The following THADA variants were observed in gnomAD, a reference collection of about 807,000 sequenced individuals.
THADA encodes the protein tRNA (32-2'-O)-methyltransferase regulator THADA.
A neutral mutation model predicts 219.8 loss-of-function variants in THADA; 213 were observed. The observed-to-expected ratio is 0.97, with a 90% confidence interval of 0.87 to 1.09. The LOEUF (loss-of-function observed/expected upper bound fraction) is 1.09, where lower values mean the gene tolerates loss of function less well. THADA is among the 50% of genes least tolerant of loss of function. The pLI, the probability that THADA is intolerant of heterozygous loss-of-function variation, is 0.00. For missense variants in THADA, 2,956 were observed against 2,311.3 expected, an observed-to-expected ratio of 1.28 and a Z score of -5.72; for synonymous variants, 1,018 against 828.9, an observed-to-expected ratio of 1.23 and a Z score of -3.92.
chr2:43,575,834 C>T (rs1018407100), intron 10 of THADA, among the ~76,000 whole-genome samples: 1 of 152,040 alleles, frequency 6.6e-6, no homozygotes, highest in African/African-American at 2.4e-5. Flanking sequence ...CCATGCCCGG[C>T]CTACACATGT....
chr2:43,251,688 T>G (rs1011456801), intron 36 of THADA, among the ~76,000 whole-genome samples: 1 of 152,234 alleles, frequency 6.6e-6, no homozygotes, highest in Non-Finnish European at 1.5e-5. Flanking sequence ...AGCCAGCTTG[T>G]CTCATGTCAT....
chr2:43,249,653 G>A (rs1346358251), intron 36 of THADA, among the ~76,000 whole-genome samples: 1 of 152,158 alleles, frequency 6.6e-6, no homozygotes, highest in African/African-American at 2.4e-5. Flanking sequence ...CTAGTGGATT[G>A]GCTGTACCAG....
At chr2:43,376,240 C>T (rs1164805419) in intron 29 of THADA, among the ~76,000 whole-genome samples, 1 of 152,212 alleles carries the variant, frequency 6.6e-6, no homozygotes, top group Non-Finnish European at 1.5e-5. Context: ...CTGCTGTATG[C>T]ACTCCTGAAG....
Position 43,485,270 on chromosome 2 carries a change from A to C in THADA, c.3800T>G (p.Val1267Gly), listed in dbSNP as rs1558837118. 2 of 1,613,170 alleles carry C rather than the reference A, an allele frequency of 1.2e-6. No individual in the cohort carries two copies. Among genetic ancestry groups the C allele is most frequent in the East Asian group, 4.5e-5 (2 of 44,794 alleles). ...FSALITRIFG[V>G]KRAKDEHSKT... is the part of the protein sequence containing the mutation. ...GGAATGTTCATCCTTTGCCCTTTTA[A>C]CTCCAAAAATTCTTGTGATCAAGGC... Residue 1267 changes from valine to glycine, a missense_variant, in exon 26 of 38, where the codon GTT (valine) becomes GGT (glycine). Coordinates refer to ENST00000405975, the MANE Select transcript of THADA (RefSeq NM_022065.5).
intron 26 of THADA, among the ~76,000 whole-genome samples, chr2:43,447,833 C>T (rs1043248324): frequency 2.6e-5 from 4 of 152,152 alleles, no homozygotes; most frequent in African/African-American, 9.7e-5. Flanking sequence ...CCAGTAAAAT[C>T]CCAACATTTC....
chr2:43,586,722 A>G lies in THADA; in HGVS notation c.464T>C (p.Val155Ala). The change falls in exon 6 of 38, where the codon GTT (valine) becomes GCT (alanine). Residue 155 changes from valine (V) to alanine (A), a missense_variant. Transcript: ENST00000405975. Reference sequence around the variant, plus strand: ...CTTACCATTTTTAAGCAGATTATTAACACTTGCTCTACCTGTAGAGGAAAA... The same window carrying G: ...CTTACCATTTTTAAGCAGATTATTAGCACTTGCTCTACCTGTAGAGGAAAA... Reference protein sequence around the residue: ...MENFNLGRASVNNLLKNVLHF... With the variant: ...MENFNLGRASANNLLKNVLHF... 6.2e-7 allele frequency: 1 copy of G among 1,612,376 alleles called. No homozygotes were observed.
chr2:43,235,719 A>G (rs1415120551), intron 36 of THADA, among the ~76,000 whole-genome samples: 2 of 152,198 alleles, frequency 1.3e-5, no homozygotes, highest in Non-Finnish European at 2.9e-5. Context: ...GAGTCCATAA[A>G]GAACCTATGG....
intron 4 of THADA, among the ~76,000 whole-genome samples, chr2:43,589,466 A>C (rs1010831697): frequency 6.6e-6 from 1 of 152,234 alleles, no homozygotes; most frequent in African/African-American, 2.4e-5. Context: ...CAGGAAATGG[A>C]GAGTTGTTAC....
intron 29 of THADA, among the ~76,000 whole-genome samples, chr2:43,357,117 C>A (rs1668951856): frequency 2.0e-5 from 3 of 152,182 alleles, no homozygotes; most frequent in Admixed American, 2.0e-4. Flanking sequence ...ACTTTGGGAA[C>A]TGCAAGTATT....
chr2:43,578,383 G>A (rs1700077103), intron 9 of THADA, 130 bp downstream of exon 9: 2 of 512,220 alleles, frequency 3.9e-6, no homozygotes, highest in South Asian at 5.3e-5. Flanking sequence ...CTGGCCTCAA[G>A]TGACCCTCCT....
chr2:43,292,689 G>C (rs990917234), intron 32 of THADA, 145 bp downstream of exon 32: 6 of 987,404 alleles, frequency 6.1e-6, no homozygotes, highest in Non-Finnish European at 8.8e-6. Flanking sequence ...TAAAAAGAGA[G>C]TCCTTATCCA....
At chr2:43,515,628 A>G (rs1177742046) in intron 22 of THADA, among the ~76,000 whole-genome samples, 1 of 150,000 alleles carries the variant, frequency 6.7e-6, no homozygotes, top group Non-Finnish European at 1.5e-5. Context: ...TAAAGGAAAA[A>G]AAACTGGAGA....
chr2:43,481,511 G>C (rs1686221896), intron 26 of THADA, among the ~76,000 whole-genome samples: 1 of 152,050 alleles, frequency 6.6e-6, no homozygotes, highest in Non-Finnish European at 1.5e-5. Flanking sequence ...CCAATGCCTT[G>C]TAAAAAATAC....
chr2:43,300,604 C>A (rs1475591084), intron 31 of THADA, among the ~76,000 whole-genome samples: 1 of 152,066 alleles, frequency 6.6e-6, no homozygotes, highest in Non-Finnish European at 1.5e-5. Context: ...AGGAACCTTG[C>A]TGGGAGAGGA....
At chr2:43,519,099 G>C (rs1692096907) in intron 22 of THADA, among the ~76,000 whole-genome samples, 1 of 152,014 alleles carries the variant, frequency 6.6e-6, no homozygotes, top group African/African-American at 2.4e-5. Flanking sequence ...AGACAGTTCA[G>C]TGAGCGGATC....
At chr2:43,267,587 T>C (rs1182874253) in intron 36 of THADA, among the ~76,000 whole-genome samples, 1 of 152,210 alleles carries the variant, frequency 6.6e-6, no homozygotes, top group African/African-American at 2.4e-5. Context: ...GCCTGGCTGA[T>C]AAGATCCATG....
At chr2:43,483,150 C>G (rs188486963) in intron 26 of THADA, among the ~76,000 whole-genome samples, 2 of 152,288 alleles carry the variant, frequency 1.3e-5, no homozygotes, top group East Asian at 3.9e-4. Context: ...AAGGAAACAA[C>G]TGACTTGTGA....
At chr2:43,342,337 A>G (rs1234584769) in intron 30 of THADA, among the ~76,000 whole-genome samples, 2 of 152,226 alleles carry the variant, frequency 1.3e-5, no homozygotes, top group Non-Finnish European at 2.9e-5. Flanking sequence ...TGTTGAGACA[A>G]TAATTGAGAT....
chr2:43,549,827 AAT>A (rs1364685771), intron 19 of THADA, among the ~76,000 whole-genome samples: 2 of 152,106 alleles, frequency 1.3e-5, no homozygotes, highest in Admixed American at 6.5e-5. Flanking sequence ...AAAAATAGAA[AAT>A]AGATTATTTC....
Sources: gnomAD v4.1 joint callset for allele counts (sites outside exome capture counted in the v4.1 genomes callset) on GRCh38, gnomAD v4.1.1 for gene constraint, MANE v1.5 for transcripts, NCBI Gene and HGNC (gene_info 2026-07-23, HGNC 2026-07-21) for gene names.